Variants in CNTNAP2 observed in about 807,000 individuals in gnomAD.
CNTNAP2 encodes contactin associated protein 2, also known as contactin-associated protein-like 2.
In CNTNAP2, 98 loss-of-function variants were observed where a neutral mutation model predicts 155.2. The ratio of observed to expected loss-of-function variants is 0.63; its 90% confidence interval spans 0.54 to 0.75. CNTNAP2 has a LOEUF of 0.75. CNTNAP2 is among the 30% of genes least tolerant of loss of function. The pLI is 0.00. For missense variants in CNTNAP2, 1,727 were observed against 1,688.1 expected (o/e 1.02, Z -0.40); for synonymous variants, 651 against 631.2 (o/e 1.03, Z -0.47).
chr7:146,414,597 A>G (rs1795910923), intron 1 of CNTNAP2, among the ~76,000 whole-genome samples: 1 of 151,750 alleles, frequency 6.6e-6, no homozygotes, highest in African/African-American at 2.4e-5. Context: ...GCCTGATCCT[A>G]TTGTTATTTC....
chr7:147,686,844 A>G (rs1016151906), intron 13 of CNTNAP2, among the ~76,000 whole-genome samples: 3 of 151,070 alleles, frequency 2.0e-5, no homozygotes, highest in Non-Finnish European at 4.4e-5. Context: ...CAGTAGATAG[A>G]GAGGGATAGT....
chr7:148,327,579 C>T (rs1220205256), intron 21 of CNTNAP2, among the ~76,000 whole-genome samples: 1 of 152,118 alleles, frequency 6.6e-6, no homozygotes, highest in Admixed American at 6.5e-5. Flanking sequence ...TAAATAGTGA[C>T]AAAGACATAT....
chr7:148,184,336 G>A lies in CNTNAP2; in HGVS notation c.3010+11858G>A, dbSNP rs1427029607. Among the ~76,000 whole-genome samples the A allele has an allele frequency of 5.9e-5, 9 of 152,244 alleles. 1 individual carries two copies. The East Asian group carries it at 1.7e-3, about 29-fold the overall frequency. ...TTATCTTTGCTTTTTGTTAAAAGAG[G>A]TCTTCTAAAAACTTGCTTTTATCAA... On this transcript the variant is annotated intron_variant, in intron 18 of 23. Transcript: ENST00000361727.
intron 15 of CNTNAP2, among the ~76,000 whole-genome samples, chr7:148,038,818 GGATGGATA>G (rs945761934): frequency 8.6e-4 from 123 of 142,824 alleles, no homozygotes; most frequent in African/African-American, 1.5e-3. Context: ...GCAATAGGAT[GGATGGATA>G]GATGGATGGA....
chr7:148,012,267 C>A (rs1366356369), intron 15 of CNTNAP2, among the ~76,000 whole-genome samples: 1 of 152,182 alleles, frequency 6.6e-6, no homozygotes, highest in African/African-American at 2.4e-5. Context: ...TCTTTCGAGT[C>A]CCCAGCTATA....
intron 1 of CNTNAP2, among the ~76,000 whole-genome samples, chr7:146,585,252 G>A (rs1798671363): frequency 6.6e-6 from 1 of 152,076 alleles, no homozygotes; most frequent in African/African-American, 2.4e-5. Context: ...CTCCCGAGTA[G>A]CTGGGATTAC....
At chr7:147,588,539 G>A (rs1024630555) in intron 12 of CNTNAP2, among the ~76,000 whole-genome samples, 1 of 152,052 alleles carries the variant, frequency 6.6e-6, no homozygotes, top group Admixed American at 6.6e-5. Flanking sequence ...TATTTCCCTA[G>A]GTTTTAATTT....
chr7:148,221,789 T>A (rs1161708247), intron 19 of CNTNAP2, among the ~76,000 whole-genome samples: 3 of 152,152 alleles, frequency 2.0e-5, no homozygotes, highest in Non-Finnish European at 4.4e-5. Flanking sequence ...CCAAGGTCAG[T>A]GTCACTCACC....
At chr7:148,062,008 T>TATA (rs201856851) in intron 15 of CNTNAP2, among the ~76,000 whole-genome samples, 1 of 78,594 alleles carries the variant, frequency 1.3e-5, no homozygotes, top group African/African-American at 6.6e-5. Flanking sequence ...GATAGATAGA[T>TATA]GATAGAGAGA....
At chr7:146,795,721 T>A (rs12111641) in intron 2 of CNTNAP2, among the ~76,000 whole-genome samples, 32 of 152,150 alleles carry the variant, frequency 2.1e-4, no homozygotes, top group African/African-American at 6.7e-4. Flanking sequence ...AGACAAAATC[T>A]TATGGATTCT....
chr7:146,513,390 C>T (rs1431463048), intron 1 of CNTNAP2, among the ~76,000 whole-genome samples: 5 of 151,816 alleles, frequency 3.3e-5, no homozygotes, highest in East Asian at 1.9e-4. Flanking sequence ...TCCTTCTTAC[C>T]ATCTTCCGTT....
chr7:147,226,802 T>C (rs1179525803), intron 8 of CNTNAP2, among the ~76,000 whole-genome samples: 1 of 152,228 alleles, frequency 6.6e-6, no homozygotes, highest in Non-Finnish European at 1.5e-5. Context: ...TTACAATTCA[T>C]GCTACTTCAG....
intron 1 of CNTNAP2, among the ~76,000 whole-genome samples, chr7:146,711,579 A>G (rs1452148755): frequency 1.3e-5 from 2 of 149,480 alleles, no homozygotes; most frequent in Non-Finnish European, 3.0e-5. Context: ...ACTGTATTCA[A>G]AACAACTAGT....
intron 13 of CNTNAP2, among the ~76,000 whole-genome samples, chr7:147,826,983 T>G (rs1798462876): frequency 6.9e-6 from 1 of 145,138 alleles, no homozygotes; most frequent in African/African-American, 2.6e-5. Context: ...CAGGCTGGAG[T>G]GCAGTGGTGC....
chr7:146,268,336 G>A (rs1165717948), intron 1 of CNTNAP2, among the ~76,000 whole-genome samples: 2 of 152,140 alleles, frequency 1.3e-5, no homozygotes, highest in African/African-American at 4.8e-5. Context: ...GACCCTCCAC[G>A]CAGAAATCTT....
intron 22 of CNTNAP2, among the ~76,000 whole-genome samples, chr7:148,385,325 T>C (rs1347646823): frequency 6.6e-6 from 1 of 152,182 alleles, no homozygotes; most frequent in Non-Finnish European, 1.5e-5. Flanking sequence ...TTGTTAAGAT[T>C]ACACAGTGGG....
chr7:146,478,660 C>A (rs1284214120), intron 1 of CNTNAP2, among the ~76,000 whole-genome samples: 2 of 151,714 alleles, frequency 1.3e-5, no homozygotes, highest in Non-Finnish European at 2.9e-5. Context: ...ATAACCAACC[C>A]CTCCCCTCTT....
rs60478252 is a variant in CNTNAP2 at position 146,338,887 on chromosome 7, T to TAAA, written c.97+221918_97+221920dup. ...TTAGATACAGAAAAGATTTTTTTTT[T>TAAA]AAAAAAGGTTTCAGGCCAGGCACTA... On this transcript the variant is annotated intron_variant, in intron 1 of 23. Transcript: ENST00000361727. 2.6e-3 allele frequency among the ~76,000 whole-genome samples: 401 copies of TAAA among 151,824 alleles called. 2 individuals carry two copies. The highest frequency in any genetic ancestry group is 9.3e-3 in the African/African-American group (384 of 41,324).
At chr7:146,404,139 A>AAAAAAAAAC (rs58435059) in intron 1 of CNTNAP2, among the ~76,000 whole-genome samples, 15 of 147,424 alleles carry the variant, frequency 1.0e-4, no homozygotes, top group Admixed American at 1.3e-4. Flanking sequence ...AAAAAAAAAA[A>AAAAAAAAAC]AAACAAAGAA....
Sources: gnomAD v4.1 joint callset for allele counts (sites outside exome capture counted in the v4.1 genomes callset) on GRCh38, gnomAD v4.1.1 for gene constraint, MANE v1.5 for transcripts, NCBI Gene and HGNC (gene_info 2026-07-23, HGNC 2026-07-21) for gene names.